Variants in ZKSCAN4 observed in about 807,000 individuals in gnomAD.
ZKSCAN4 encodes the protein zinc finger protein with KRAB and SCAN domains 4.
Under a neutral mutation model 30.8 loss-of-function variants are expected in ZKSCAN4, and 23 were observed. That is an observed-to-expected ratio of 0.75 (90% CI 0.54 to 1.06). The LOEUF (loss-of-function observed/expected upper bound fraction) is 1.06. ZKSCAN4 is among the 50% of genes least tolerant of loss of function. The pLI is 0.00. For synonymous variants in ZKSCAN4, 208 were observed against 252.5 expected (o/e 0.82, Z 1.67); for missense variants, 556 against 665.4 (o/e 0.84, Z 1.81).
chr6:28,256,643 G>C (rs2113697106), upstream of ZKSCAN4, among the ~76,000 whole-genome samples: 1 of 152,192 alleles, frequency 6.6e-6, no homozygotes, highest in Admixed American at 6.5e-5. Flanking sequence ...TTTCTATGCT[G>C]TATGCAAATG....
intron 4 of ZKSCAN4, 88 bp downstream of exon 4, chr6:28,246,879 TGG>T (rs1760758476): frequency 7.1e-7 from 1 of 1,400,812 alleles, no homozygotes; most frequent in Non-Finnish European, 9.5e-7. Context: ...CCAAACATAA[TGG>T]GGGCTTAACA....
Position 28,249,912 on chromosome 6 carries a change from C to T in ZKSCAN4, c.424-78G>A. 1 of 1,506,636 alleles carries T rather than the reference C, an allele frequency of 6.6e-7. No individual in the cohort carries two copies. The highest frequency in any genetic ancestry group is 9.2e-7 in the Non-Finnish European group (1 of 1,092,346). 93.3% of individuals were successfully genotyped at this position (1,506,636 alleles called of 1,614,324 possible). A position where few individuals can be genotyped will look rare whatever the true frequency, so the allele number is the denominator to read the frequency against. Reference sequence around the variant, plus strand: ...GCAAGTGATTTCTATTTTCTAGGCACTGTTTCTACAAGCCTTATGATATTA... The same window carrying T: ...GCAAGTGATTTCTATTTTCTAGGCATTGTTTCTACAAGCCTTATGATATTA... On this transcript the variant is annotated intron_variant, in intron 1 of 4. Coordinates refer to ENST00000377294, the MANE Select transcript of ZKSCAN4 (RefSeq NM_019110.5). This position sits in a 1 kb window ranked among gnomAD's most constrained non-coding sequence, Gnocchi z 4.1.
In ZKSCAN4 at chr6:28,247,209, C is replaced by T. The variant is rs966227393; in HGVS notation, c.655-117G>A. On this transcript the variant is annotated intron_variant, in intron 3 of 4. Coordinates refer to ENST00000377294, the MANE Select transcript of ZKSCAN4 (RefSeq NM_019110.5). ...AAGGAGCAAGTGTGGCACACCTACACCAATTTAGCTTTATCTCTAATAACA... is the reference window on the plus strand; with the variant it reads ...AAGGAGCAAGTGTGGCACACCTACATCAATTTAGCTTTATCTCTAATAACA... 4.3e-6 allele frequency: 5 copies of T among 1,159,078 alleles called. No individual in the cohort carries two copies. In the African/African-American group the frequency reaches 6.2e-5, roughly 14 times the overall value. The allele number at this position is 1,159,078 out of a possible 1,614,324, so 71.8% of individuals were successfully genotyped here. A position where few individuals can be genotyped will look rare whatever the true frequency, so the allele number is the denominator to read the frequency against.
chr6:28,247,082 T>C lies in ZKSCAN4; in HGVS notation c.665A>G (p.Lys222Arg). Reference protein sequence around the residue: ...RLTPGSQGLLKMEDVALTLTP... With the variant: ...RLTPGSQGLLRMEDVALTLTP... Reference sequence around the variant, plus strand: ...GAGGGTCAGGGCCACATCTTCCATTTTCAGCAAACCCTAAAACAATAGGTA... The same window carrying C: ...GAGGGTCAGGGCCACATCTTCCATTCTCAGCAAACCCTAAAACAATAGGTA... Residue 222 changes from lysine to arginine, a missense_variant, in exon 4 of 5, where the codon AAA becomes AGA. Coordinates refer to ENST00000377294, the MANE Select transcript of ZKSCAN4 (RefSeq NM_019110.5). 6.2e-7 allele frequency: 1 copy of C among 1,609,160 alleles called. No individual in the cohort carries two copies. Among genetic ancestry groups the C allele is most frequent in the Non-Finnish European group, 8.5e-7 (1 of 1,177,900 alleles).
intron 3 of ZKSCAN4, 48 bp downstream of exon 3, chr6:28,248,019 G>T: frequency 7.2e-7 from 1 of 1,397,616 alleles, no homozygotes; most frequent in Non-Finnish European, 1.0e-6. Flanking sequence ...GAGCCCAACA[G>T]TAGTGAAAGG....
Position 28,251,785 on chromosome 6 carries a change from C to T in ZKSCAN4, c.196G>A (p.Gly66Ser). 6.2e-7 allele frequency: 1 copy of T among 1,613,966 alleles called. No homozygotes were observed. The highest frequency in any genetic ancestry group is 1.1e-5 in the South Asian group (1 of 91,078). Residue 66 changes from glycine to serine, a missense_variant, in exon 1 of 5, where the codon GGC becomes AGC. Transcript: ENST00000377294. This position sits in a 1 kb window ranked among gnomAD's most constrained non-coding sequence, Gnocchi z 4.5. ...FRGFRYPEAAGPREALSRLRE... is the reference protein window; with the variant it reads ...FRGFRYPEAASPREALSRLRE... ...AGCCGGCTCAACGCCTCGCGGGGGC[C>T]CGCAGCCTCCGGGTAGCGGAAGCCT...
At position 28,249,814 on chromosome 6, in the gene ZKSCAN4, C is replaced by G; in HGVS notation, c.444G>C (p.Gly148=). 6.2e-7 allele frequency: 1 copy of G among 1,613,878 alleles called. No individual in the cohort carries two copies. The highest frequency in any genetic ancestry group is 1.3e-5 in the African/African-American group (1 of 75,004). Residue 148 remains glycine, a synonymous_variant, in exon 2 of 5, where the codon GGG becomes GGC. Transcript: ENST00000377294. This position sits in a 1 kb window ranked among gnomAD's most constrained non-coding sequence, Gnocchi z 4.1. ...CCATCTTGCAACAGAGCAGTTCTTGCCCCTGGTCACCAACGGGAACCTAGA... is the reference window on the plus strand; with the variant it reads ...CCATCTTGCAACAGAGCAGTTCTTGGCCCTGGTCACCAACGGGAACCTAGA... ...PAPQVPVGDQ[G]QELLCCKMAL... is the part of the protein sequence containing the mutation.
Position 28,251,511 on chromosome 6 carries a change from G to A in ZKSCAN4, c.423+47C>T. On this transcript the variant is annotated intron_variant, in intron 1 of 4. Coordinates refer to ENST00000377294, the MANE Select transcript of ZKSCAN4 (RefSeq NM_019110.5). The surrounding 1 kb of genome is among the most constrained non-coding windows in gnomAD (Gnocchi z 4.5). ...CCCCTCGCTCCGATCTGGGATTTCAGGAGGAAACAGACCACAGCGCTCAGA... is the reference window on the plus strand; with the variant it reads ...CCCCTCGCTCCGATCTGGGATTTCAAGAGGAAACAGACCACAGCGCTCAGA... 12 of 1,614,108 alleles carry A rather than the reference G, an allele frequency of 7.4e-6. No individual in the cohort carries two copies. Among genetic ancestry groups the A allele is most frequent in the Non-Finnish European group, 1.0e-5 (12 of 1,179,992 alleles).
Position 28,243,242 on chromosome 6 carries a change from A to G in ZKSCAN4, c.*1874T>C, listed in dbSNP as rs946128445. Among the ~76,000 whole-genome samples, 11 of 152,266 alleles carry G rather than the reference A, an allele frequency of 7.2e-5. No homozygotes were observed. Among genetic ancestry groups the G allele is most frequent in the Non-Finnish European group, 1.6e-4 (11 of 68,048 alleles). On this transcript the variant is annotated 3_prime_UTR_variant, in exon 5 of 5. Transcript: ENST00000377294. ...AAATTAGACTGAAAAGGAGATAATG[A>G]AGGCAATAAAAGATTGTAGGGAATT...
intron 1 of ZKSCAN4, among the ~76,000 whole-genome samples, chr6:28,250,297 G>A (rs565055048): frequency 1.3e-5 from 2 of 152,260 alleles, no homozygotes; most frequent in African/African-American, 4.8e-5. Flanking sequence ...TCGAACTCCC[G>A]ACCTCAGGTG....
Position 28,252,085 on chromosome 6 carries a change from C to T in ZKSCAN4, c.-105G>A, listed in dbSNP as rs1761031206. On this transcript the variant is annotated 5_prime_UTR_variant, in exon 1 of 5. Coordinates refer to ENST00000377294, the MANE Select transcript of ZKSCAN4 (RefSeq NM_019110.5). ...TTCCAGTAGAACTGCAAGTGGTCCC[C>T]CTCCTGTCATGCCCAGGGGCCCAGG... is the stretch of plus-strand genomic sequence containing the variant. 3 of 1,302,938 alleles carry T rather than the reference C, an allele frequency of 2.3e-6. No homozygotes were observed. The highest frequency in any genetic ancestry group is 4.9e-5 in the Admixed American group (2 of 40,528). 80.7% of individuals were successfully genotyped at this position (1,302,938 alleles called of 1,614,324 possible).
chr6:28,245,624 T>A lies in ZKSCAN4; in HGVS notation c.1130A>T (p.Glu377Val). 3.1e-6 allele frequency: 5 copies of A among 1,614,188 alleles called. No homozygotes were observed. The highest frequency in any genetic ancestry group is 4.2e-6 in the Non-Finnish European group (5 of 1,180,038). Reference protein sequence around the residue: ...QRVHTGEKPYECEECGKVFSH... With the variant: ...QRVHTGEKPYVCEECGKVFSH... ...GAAGACCTTACCACATTCTTCACACTCATATGGCTTCTCACCAGTGTGGAC... is the reference window on the plus strand; with the variant it reads ...GAAGACCTTACCACATTCTTCACACACATATGGCTTCTCACCAGTGTGGAC... Residue 377 changes from glutamate (E) to valine (V), a missense_variant, in exon 5 of 5, where the codon GAG (glutamate) becomes GTG (valine). Physicochemically the swap from Glu to Val is moderately radical, Grantham distance 121 (BLOSUM62 -2). Coordinates refer to ENST00000377294, the MANE Select transcript of ZKSCAN4 (RefSeq NM_019110.5).
upstream of ZKSCAN4, among the ~76,000 whole-genome samples, chr6:28,252,749 T>C (rs1288265380): frequency 6.6e-6 from 1 of 152,032 alleles, no homozygotes; most frequent in Non-Finnish European, 1.5e-5. Context: ...CTCCCGACCC[T>C]GACTGTAGCC....
the ZKSCAN4 span, among the ~76,000 whole-genome samples, chr6:28,259,100 G>A: frequency 0.45 from 68,346 of 152,016 alleles, 18,814 homozygotes; most frequent in Non-Finnish European, 0.6. Context: ...GATCATTGAC[G>A]CAAATTCGTC....
upstream of ZKSCAN4, among the ~76,000 whole-genome samples, chr6:28,252,802 C>T (rs762593903): frequency 3.3e-5 from 5 of 152,156 alleles, no homozygotes; most frequent in Non-Finnish European, 1.5e-5. Context: ...CACTCCCCCA[C>T]TCACCACTTT....
chr6:28,245,226 T>C lies in ZKSCAN4; in HGVS notation c.1528A>G (p.Thr510Ala). The stretch of plus-strand genomic sequence containing the variant: ...TCACACTGATAGGGTTTCTCACCAG[T>C]GTGGATTTTCTGATGTTCAATAAGA... ...RSLIEHQKIHTGEKPYQCDTC... is the reference protein window; with the variant it reads ...RSLIEHQKIHAGEKPYQCDTC... Residue 510 changes from threonine to alanine, a missense_variant, in exon 5 of 5, where the codon ACT (threonine) becomes GCT (alanine). Physicochemically the swap from Thr to Ala is moderately conservative, Grantham distance 58. Coordinates refer to ENST00000377294, the MANE Select transcript of ZKSCAN4 (RefSeq NM_019110.5). 1 of 1,614,210 alleles carries C rather than the reference T, an allele frequency of 6.2e-7. No individual in the cohort carries two copies. The highest frequency in any genetic ancestry group is 1.1e-5 in the South Asian group (1 of 91,088).
chr6:28,242,278 AAT>A lies in ZKSCAN4; in HGVS notation c.*2836_*2837del, dbSNP rs1760523124. ...AAATAACTTTTTTGGCCATCCTTTCAATAGGCTACAGATAAACTCATTTTATA... is the reference window on the plus strand; with the variant it reads ...AAATAACTTTTTTGGCCATCCTTTCAAGGCTACAGATAAACTCATTTTATA... On this transcript the variant is annotated 3_prime_UTR_variant, in exon 5 of 5. Coordinates refer to ENST00000377294, the MANE Select transcript of ZKSCAN4 (RefSeq NM_019110.5). 6.6e-6 allele frequency among the ~76,000 whole-genome samples: 1 copy of A among 152,198 alleles called. No homozygotes were observed. The highest frequency in any genetic ancestry group is 6.5e-5 in the Admixed American group (1 of 15,280).
At position 28,252,086 on chromosome 6, in the gene ZKSCAN4, C is replaced by G. The variant is rs944276516; in HGVS notation, c.-106G>C. 18 of 1,286,970 alleles carry G rather than the reference C, an allele frequency of 1.4e-5. No individual in the cohort carries two copies. The highest frequency in any genetic ancestry group is 2.5e-5 in the Admixed American group (1 of 40,528). The allele number at this position is 1,286,970 out of a possible 1,614,324, so 79.7% of individuals were successfully genotyped here. On this transcript the variant is annotated 5_prime_UTR_variant, in exon 1 of 5. Coordinates refer to ENST00000377294, the MANE Select transcript of ZKSCAN4 (RefSeq NM_019110.5). Reference sequence around the variant, plus strand: ...TCCAGTAGAACTGCAAGTGGTCCCCCTCCTGTCATGCCCAGGGGCCCAGGA... The same window carrying G: ...TCCAGTAGAACTGCAAGTGGTCCCCGTCCTGTCATGCCCAGGGGCCCAGGA...
In ZKSCAN4 at chr6:28,251,466, T is replaced by C. The variant is rs915722861; in HGVS notation, c.423+92A>G. On this transcript the variant is annotated intron_variant, in intron 1 of 4. Transcript: ENST00000377294. This position sits in a 1 kb window ranked among gnomAD's most constrained non-coding sequence, Gnocchi z 4.5. Reference sequence around the variant, plus strand: ...CACAGTACAAAAAGAGATGAAGAACTCCTGGACCTTAAAGGAATGCCCCTC... The same window carrying C: ...CACAGTACAAAAAGAGATGAAGAACCCCTGGACCTTAAAGGAATGCCCCTC... 4 of 1,601,678 alleles carry C rather than the reference T, an allele frequency of 2.5e-6. No homozygotes were observed. The highest frequency in any genetic ancestry group is 3.4e-6 in the Non-Finnish European group (4 of 1,173,292).
Sources: allele counts gnomAD v4.1 joint callset (sites outside exome capture counted in the v4.1 genomes callset), GRCh38; gene constraint gnomAD v4.1.1; non-coding constraint Gnocchi (gnomAD v3.1); transcripts MANE v1.5; gene names NCBI Gene and HGNC (gene_info 2026-07-23, HGNC 2026-07-21).